PCDHGA2: variants seen among roughly 807,000 people sequenced by gnomAD.
PCDHGA2 encodes the protein protocadherin gamma-A2.
PCDHGA2 carries 40 observed loss-of-function variants against 59.2 expected under a neutral mutation model. That is an observed-to-expected ratio of 0.68 (90% confidence interval 0.52 to 0.88). PCDHGA2 has a LOEUF of 0.88. Ranked by LOEUF, PCDHGA2 falls within the 40% of genes least tolerant of loss-of-function variation. The pLI, the probability that PCDHGA2 is intolerant of heterozygous loss-of-function variation, is 0.00. For missense variants in PCDHGA2, 1,226 were observed against 1,204.0 expected (o/e 1.02, Z -0.27); for synonymous variants, 560 against 526.0 (o/e 1.06, Z -0.89).
intron 1 of PCDHGA2, chr5:141,355,819 G>T (rs757822946): frequency 1.9e-6 from 3 of 1,613,058 alleles, no homozygotes; most frequent in Non-Finnish European, 2.5e-6. Context: ...GGAAGAGGCG[G>T]TTCACCACCT....
Position 141,478,516 on chromosome 5 carries a change from G to A in PCDHGA2, c.2425-16291G>A, listed in dbSNP as rs769702987. The A allele has an allele frequency of 4.3e-6, 7 of 1,610,992 alleles. No homozygotes were observed. In the African/African-American group the frequency reaches 8.0e-5, roughly 18 times the overall value. ...GTGATCCGGTGTTCTATAGGCAGGT[G>A]TTGGGTGCAGAGAGCGCCCCTCCCG... On this transcript the variant is annotated intron_variant, in intron 1 of 3. Transcript: ENST00000394576.
intron 1 of PCDHGA2, chr5:141,357,767 C>A: frequency 2.1e-6 from 2 of 947,568 alleles, no homozygotes; most frequent in Non-Finnish European, 1.5e-6. Context: ...GATGACCTTC[C>A]AATAATGATC....
intron 1 of PCDHGA2, among the ~76,000 whole-genome samples, chr5:141,353,336 T>A (rs1759250755): frequency 6.6e-6 from 1 of 152,230 alleles, no homozygotes; most frequent in Admixed American, 6.5e-5. Context: ...CAAGTTAAAG[T>A]TCATCAATTA....
At chr5:141,377,231 A>G (rs1773795281) in intron 1 of PCDHGA2, 2 of 152,072 alleles carry the variant, frequency 1.3e-5, no homozygotes, top group Admixed American at 1.3e-4. Flanking sequence ...GTTTTTTCCT[A>G]CTATGTGACA....
intron 1 of PCDHGA2, among the ~76,000 whole-genome samples, chr5:141,475,007 G>A (rs1017671344): frequency 2.0e-5 from 3 of 152,178 alleles, no homozygotes; most frequent in East Asian, 1.9e-4. Flanking sequence ...ATGCAGAAAA[G>A]TTAAGGCTCT....
In PCDHGA2 at chr5:141,415,309, G is replaced by A. The variant is rs199689792; in HGVS notation, c.2424+73914G>A. ...GGTCTCCTGCGTCTTCCTGGCCTTC[G>A]TCATCGTGCTGCTGGCGCACAGGCT... is the stretch of plus-strand genomic sequence containing the variant. On this transcript the variant is annotated intron_variant, in intron 1 of 3. Coordinates refer to ENST00000394576, the MANE Select transcript of PCDHGA2 (RefSeq NM_018915.4). 2.7e-5 allele frequency: 44 copies of A among 1,614,216 alleles called. No homozygotes were observed. In the Middle Eastern group the frequency reaches 8.2e-4, roughly 30 times the overall value.
At chr5:141,374,123 G>A (rs1770158708) in intron 1 of PCDHGA2, 2 of 1,602,040 alleles carry the variant, frequency 1.2e-6, no homozygotes, top group Non-Finnish European at 8.5e-7. Context: ...CAGCGAGCAG[G>A]TCCTGCTCCT....
chr5:141,376,868 T>G, intron 1 of PCDHGA2: 1 of 220,664 alleles, frequency 4.5e-6, no homozygotes, highest in East Asian at 1.2e-4. Flanking sequence ...TTTGTATTTT[T>G]AGTAGAGACG....
chr5:141,419,311 C>T (rs745852942), intron 1 of PCDHGA2: 4 of 1,613,876 alleles, frequency 2.5e-6, no homozygotes, highest in East Asian at 4.5e-5. Context: ...TCGGGCTCAA[C>T]GGCCGTGTCT....
At position 141,432,185 on chromosome 5, in the gene PCDHGA2, G is replaced by A. The variant is rs376661062; in HGVS notation, c.2425-62622G>A. 8.1e-6 allele frequency: 13 copies of A among 1,613,956 alleles called. No individual in the cohort carries two copies. The African/African-American group carries it at 1.3e-4, about 17-fold the overall frequency. On this transcript the variant is annotated intron_variant, in intron 1 of 3. Transcript: ENST00000394576. This position sits in a 1 kb window ranked among gnomAD's most constrained non-coding sequence, Gnocchi z 6.0. ...AGGAGTTTCCCTCGTCTCTGTGACC[G>A]CCCACGACCCCGACTGTGAAGAGAA...
chr5:141,344,941 T>C (rs771885290), intron 1 of PCDHGA2: 7 of 1,613,778 alleles, frequency 4.3e-6, no homozygotes, highest in Non-Finnish European at 5.9e-6. Flanking sequence ...GAAGTATCAA[T>C]ATTAAAAAGT....
chr5:141,477,274 G>A lies in PCDHGA2; in HGVS notation c.2425-17533G>A. The A allele has an allele frequency of 2.5e-6, 4 of 1,614,034 alleles. No homozygotes were observed. Among genetic ancestry groups the A allele is most frequent in the East Asian group, 2.2e-5 (1 of 44,880 alleles). ...ACCTGGATGCTGGCGAGAACGGGCT[G>A]GTGACCTGCGAAGTTCCACCGGGTC... On this transcript the variant is annotated intron_variant, in intron 1 of 3. Coordinates refer to ENST00000394576, the MANE Select transcript of PCDHGA2 (RefSeq NM_018915.4). This position sits in a 1 kb window ranked among gnomAD's most constrained non-coding sequence, Gnocchi z 4.9.
intron 3 of PCDHGA2, among the ~76,000 whole-genome samples, chr5:141,506,454 A>G (rs2099853946): frequency 6.6e-6 from 1 of 151,844 alleles, no homozygotes; most frequent in African/African-American, 2.4e-5. Context: ...CAAAAAAAAA[A>G]AAAAAAAAAA....
At chr5:141,445,490 C>A (rs1181158971) in intron 1 of PCDHGA2, among the ~76,000 whole-genome samples, 1 of 152,134 alleles carries the variant, frequency 6.6e-6, no homozygotes, top group African/African-American at 2.4e-5. Flanking sequence ...AGTTAATGGG[C>A]CCTATTCTAA....
intron 3 of PCDHGA2, among the ~76,000 whole-genome samples, chr5:141,507,891 C>A (rs1031803854): frequency 6.6e-6 from 1 of 152,208 alleles, no homozygotes; most frequent in African/African-American, 2.4e-5. Flanking sequence ...AGAGAGGTTC[C>A]TGAAGTCCAG....
At chr5:141,373,226 A>G (rs540520010) in intron 1 of PCDHGA2, among the ~76,000 whole-genome samples, 4 of 152,364 alleles carry the variant, frequency 2.6e-5, no homozygotes, top group Middle Eastern at 6.8e-3. Context: ...TAACCTGTAT[A>G]TAATATTTTT....
In PCDHGA2 at chr5:141,359,468, C is replaced by T. The variant is rs539474224; in HGVS notation, c.2424+18073C>T. On this transcript the variant is annotated intron_variant, in intron 1 of 3. Transcript: ENST00000394576. ...TTAGCAAATAACAATTTTGATTAAACAAATTGTTGTATATTCATATTACGG... is the reference window on the plus strand; with the variant it reads ...TTAGCAAATAACAATTTTGATTAAATAAATTGTTGTATATTCATATTACGG... 1.8e-4 allele frequency among the ~76,000 whole-genome samples: 27 copies of T among 150,682 alleles called. No homozygotes were observed. In the South Asian group the frequency reaches 4.9e-3, roughly 27 times the overall value.
At chr5:141,426,850 C>T in intron 1 of PCDHGA2, 1 of 456,734 alleles carries the variant, frequency 2.2e-6, no homozygotes. Context: ...GGCAAGAACG[C>T]TCCAGAATTA....
intron 1 of PCDHGA2, among the ~76,000 whole-genome samples, chr5:141,465,576 C>T (rs1002696285): frequency 6.6e-6 from 1 of 152,136 alleles, no homozygotes; most frequent in Non-Finnish European, 1.5e-5. Context: ...TCTCAAAACA[C>T]TCTCATAATA....
Sources: allele counts gnomAD v4.1 joint callset (sites outside exome capture counted in the v4.1 genomes callset), GRCh38; gene constraint gnomAD v4.1.1; non-coding constraint Gnocchi (gnomAD v3.1); transcripts MANE v1.5; gene names NCBI Gene and HGNC (gene_info 2026-07-23, HGNC 2026-07-21).